The following LUZP2 variants were observed in gnomAD, a reference collection of about 807,000 sequenced individuals.
LUZP2 encodes the protein leucine zipper protein 2.
A neutral mutation model predicts 51.6 loss-of-function variants in LUZP2; 52 were observed. That is an observed-to-expected ratio of 1.01 (90% CI 0.81 to 1.27). LUZP2 has a LOEUF of 1.27. Ranked by LOEUF, LUZP2 falls within the 50% of genes most tolerant of loss-of-function variation. LUZP2 has a pLI of 0.00. For missense variants in LUZP2, 436 were observed against 395.4 expected, an observed-to-expected ratio of 1.10 and a Z score of -0.87; for synonymous variants, 154 against 137.3, an observed-to-expected ratio of 1.12 and a Z score of -0.85.
intron 1 of LUZP2, among the ~76,000 whole-genome samples, chr11:24,654,500 C>T (rs1855736757): frequency 1.3e-5 from 2 of 152,058 alleles, no homozygotes; most frequent in Admixed American, 1.3e-4. Flanking sequence ...ACTGCAACTT[C>T]CACCCCTGGG....
intron 1 of LUZP2, among the ~76,000 whole-genome samples, chr11:24,657,945 C>G (rs1440121340): frequency 6.6e-6 from 1 of 152,072 alleles, no homozygotes; most frequent in Non-Finnish European, 1.5e-5. Context: ...AAATGGAAGA[C>G]CATTCCATGC....
intron 5 of LUZP2, among the ~76,000 whole-genome samples, chr11:24,899,100 G>A (rs1385921458): frequency 6.6e-6 from 1 of 152,112 alleles, no homozygotes; most frequent in African/African-American, 2.4e-5. Flanking sequence ...TACGTTGGAT[G>A]ATTGAAAAAT....
intron 1 of LUZP2, among the ~76,000 whole-genome samples, chr11:24,571,556 A>G (rs1012128500): frequency 6.6e-6 from 1 of 152,088 alleles, no homozygotes; most frequent in African/African-American, 2.4e-5. Flanking sequence ...ATTTGTGTTC[A>G]AAAAGAAGAG....
intron 6 of LUZP2, among the ~76,000 whole-genome samples, chr11:24,913,943 CTAT>C (rs1029798588): frequency 6.6e-6 from 1 of 152,040 alleles, no homozygotes; most frequent in African/African-American, 2.4e-5. Flanking sequence ...AAGTATTTTC[CTAT>C]TAGTGATGGC....
intron 5 of LUZP2, among the ~76,000 whole-genome samples, chr11:24,764,085 C>G (rs1860089409): frequency 6.6e-6 from 1 of 152,040 alleles, no homozygotes; most frequent in Non-Finnish European, 1.5e-5. Flanking sequence ...AGAAAGCCAG[C>G]TTACTCAAAT....
At chr11:25,035,422 A>C (rs1857825171) in intron 9 of LUZP2, among the ~76,000 whole-genome samples, 1 of 152,104 alleles carries the variant, frequency 6.6e-6, no homozygotes, top group Non-Finnish European at 1.5e-5. Flanking sequence ...TCAAGAATAC[A>C]ATCCTACTTA....
chr11:25,017,570 A>G (rs1297383901), intron 9 of LUZP2, among the ~76,000 whole-genome samples: 3 of 152,060 alleles, frequency 2.0e-5, no homozygotes, highest in Non-Finnish European at 4.4e-5. Flanking sequence ...TTTGTTTTAC[A>G]TATTTGTCTC....
chr11:25,051,744 A>G (rs959750126), intron 10 of LUZP2, among the ~76,000 whole-genome samples: 6 of 152,176 alleles, frequency 3.9e-5, no homozygotes, highest in Non-Finnish European at 7.3e-5. Context: ...CCATGGTGTT[A>G]ATTCTAAGGA....
chr11:25,014,006 T>A (rs1371938617), intron 9 of LUZP2, among the ~76,000 whole-genome samples: 1 of 152,082 alleles, frequency 6.6e-6, no homozygotes, highest in Non-Finnish European at 1.5e-5. Context: ...GGTGTTTGGT[T>A]TTTTGTCCCT....
intron 7 of LUZP2, among the ~76,000 whole-genome samples, chr11:24,953,622 T>C (rs1314590357): frequency 6.6e-6 from 1 of 151,954 alleles, no homozygotes; most frequent in Non-Finnish European, 1.5e-5. Flanking sequence ...AACATTTAAG[T>C]AGATATAGAG....
At chr11:24,619,675 C>T (rs1854427168) in intron 1 of LUZP2, among the ~76,000 whole-genome samples, 1 of 152,084 alleles carries the variant, frequency 6.6e-6, no homozygotes, top group African/African-American at 2.4e-5. Context: ...ATGCTCAAAT[C>T]CCTGATATAA....
chr11:24,744,901 G>T (rs1565113173), intron 4 of LUZP2, among the ~76,000 whole-genome samples: 1 of 151,970 alleles, frequency 6.6e-6, no homozygotes, highest in East Asian at 1.9e-4. Context: ...GTTTTGATAG[G>T]TTGTGTCATT....
At chr11:24,814,071 C>T (rs1850100398) in intron 5 of LUZP2, among the ~76,000 whole-genome samples, 1 of 152,190 alleles carries the variant, frequency 6.6e-6, no homozygotes, top group Admixed American at 6.5e-5. Flanking sequence ...TTATATTTGC[C>T]CATTTCCAAT....
chr11:25,059,945 A>G (rs1213737364), intron 10 of LUZP2, among the ~76,000 whole-genome samples: 1 of 152,174 alleles, frequency 6.6e-6, no homozygotes, highest in Non-Finnish European at 1.5e-5. Flanking sequence ...AAAAAGGGAG[A>G]TGAAAGATAG....
chr11:24,836,824 A>G (rs1486707), intron 5 of LUZP2, among the ~76,000 whole-genome samples: 88,420 of 151,502 alleles, frequency 0.58, 27,300 homozygotes, highest in East Asian at 0.68. Flanking sequence ...ATTGAGACAC[A>G]TGAAAAGTTG....
rs1003187607 is a variant in LUZP2, at chr11:24,646,664, C to T, written c.63-82505C>T. ...CTTTAATCAAGAAAGCAAATTATTT[C>T]CCACAACTCCCCAAAAGACTGTTGC... On this transcript the variant is annotated intron_variant, in intron 1 of 11. Transcript: ENST00000336930. 1.5e-5 allele frequency: 13 copies of T among 862,344 alleles called. No homozygotes were observed. The African/African-American group carries it at 1.6e-4, about 11-fold the overall frequency. 53.4% of individuals were successfully genotyped at this position (862,344 alleles called of 1,614,324 possible).
chr11:24,921,525 C>T (rs997718844), intron 7 of LUZP2, among the ~76,000 whole-genome samples: 2 of 152,058 alleles, frequency 1.3e-5, no homozygotes, highest in African/African-American at 2.4e-5. Flanking sequence ...TTCTAATCGC[C>T]GGCATGTGCG....
At position 24,644,250 on chromosome 11, in the gene LUZP2, A is replaced by G. The variant is rs192056483; in HGVS notation, c.63-84919A>G. Among the ~76,000 whole-genome samples the G allele has an allele frequency of 5.4e-4, 82 of 152,238 alleles. 1 individual carries two copies. The South Asian group carries it at 9.5e-3, about 18-fold the overall frequency. ...TGCTTGACTCTTTCTTATGTTTCTT[A>G]TAATGTCAATTGCTGGCAGCTGGAT... On this transcript the variant is annotated intron_variant, in intron 1 of 11. Transcript: ENST00000336930.
chr11:24,947,880 C>G (rs941070514), intron 7 of LUZP2, among the ~76,000 whole-genome samples: 1 of 151,860 alleles, frequency 6.6e-6, no homozygotes. Flanking sequence ...TCGCTGCTTT[C>G]TAAATGTTCT....
Sources: allele counts gnomAD v4.1 joint callset (sites outside exome capture counted in the v4.1 genomes callset), GRCh38; gene constraint gnomAD v4.1.1; transcripts MANE v1.5; gene names NCBI Gene and HGNC (gene_info 2026-07-23, HGNC 2026-07-21).